The following FHDC1 variants were observed in gnomAD, a reference collection of about 807,000 sequenced individuals.
FHDC1 encodes the protein FH2 domain-containing protein 1.
FHDC1 carries 25 observed loss-of-function variants against 52.6 expected under a neutral mutation model. The ratio of observed to expected loss-of-function variants is 0.48; its 90% CI spans 0.35 to 0.66. The LOEUF (loss-of-function observed/expected upper bound fraction) is 0.66, where lower values mean the gene tolerates loss of function less well. FHDC1 is among the 30% of genes least tolerant of loss of function. FHDC1 has a pLI of 0.01. For missense variants in FHDC1, 1,459 were observed against 1,452.8 expected (o/e 1.00, Z -0.07); for synonymous variants, 616 against 581.5 (o/e 1.06, Z -0.85).
chr4:152,963,979 G>A (rs990992344), intron 8 of FHDC1, among the ~76,000 whole-genome samples: 1 of 152,124 alleles, frequency 6.6e-6, no homozygotes, highest in Admixed American at 6.5e-5. Flanking sequence ...GGAGGAAGCC[G>A]TGGTGCAGTC....
At chr4:152,919,277 G>A in the FHDC1 span, among the ~76,000 whole-genome samples, 1 of 152,224 alleles carries the variant, frequency 6.6e-6, no homozygotes, top group Non-Finnish European at 1.5e-5. Flanking sequence ...AAACTTTTGG[G>A]TTTAATGGGG....
In FHDC1 at chr4:152,953,424, G is replaced by T. The variant is rs72970304; in HGVS notation, c.499-75G>T. On this transcript the variant is annotated intron_variant, in intron 2 of 11. Transcript: ENST00000511601. ...ATAAATTAGTGTTGCATTTTGATCG[G>T]TTTTAATTATCTTCTTTCTCCATCT... is the stretch of plus-strand genomic sequence containing the variant. 487 of 1,244,040 alleles carry T rather than the reference G, an allele frequency of 3.9e-4. 4 individuals carry two copies. In the African/African-American group the frequency reaches 6.6e-3, roughly 17 times the overall value. 77.1% of individuals were successfully genotyped at this position (1,244,040 alleles called of 1,614,324 possible).
chr4:152,963,702 G>A (rs965207948), intron 8 of FHDC1, among the ~76,000 whole-genome samples: 4 of 145,336 alleles, frequency 2.8e-5, no homozygotes, highest in Non-Finnish European at 6.0e-5. Context: ...GTCTTTCTCC[G>A]TGAACCATGC....
chr4:152,962,533 AT>A (rs1740310209), intron 6 of FHDC1, among the ~76,000 whole-genome samples: 1 of 152,206 alleles, frequency 6.6e-6, no homozygotes. Context: ...AGGCTTTTGC[AT>A]TTTTCACTAA....
chr4:152,965,221 A>G (rs1450991664), intron 9 of FHDC1, among the ~76,000 whole-genome samples: 5 of 152,218 alleles, frequency 3.3e-5, no homozygotes, highest in African/African-American at 1.2e-4. Context: ...CATCAGTATA[A>G]AAAATATGGA....
At position 152,950,074 on chromosome 4, in the gene FHDC1, C is replaced by A. The variant is rs78051696; in HGVS notation, c.499-3425C>A. ...TCATTGGCTGGGTTTGTTTATCCCT[C>A]TTCTTTGGGCAGTTTCTTGCCTCTG... is the stretch of plus-strand genomic sequence containing the variant. On this transcript the variant is annotated intron_variant, in intron 2 of 11. Transcript: ENST00000511601. Among the ~76,000 whole-genome samples, 827 of 152,226 alleles carry A rather than the reference C, an allele frequency of 5.4e-3. 8 individuals are homozygous for A. The highest frequency in any genetic ancestry group is 0.014 in the South Asian group (69 of 4,822).
chr4:152,936,068 CACCAGCCTTCGGGTGCGGGA>C (rs2149931155), upstream of FHDC1, among the ~76,000 whole-genome samples: 1 of 152,172 alleles, frequency 6.6e-6, no homozygotes, highest in East Asian at 1.9e-4. Context: ...CCTAGCCCCG[CACCAGCCTTCGGGTGCGGGA>C]AGCAGTGTGC....
chr4:152,930,995 ACACTCTCTCT>A, the FHDC1 span, among the ~76,000 whole-genome samples: 9 of 139,594 alleles, frequency 6.4e-5, no homozygotes, highest in East Asian at 8.4e-4. Flanking sequence ...ACACACACAC[ACACTCTCTCT>A]CTCTCTCTCT....
At chr4:152,965,716 A>T (rs955921064) in intron 9 of FHDC1, among the ~76,000 whole-genome samples, 5 of 152,220 alleles carry the variant, frequency 3.3e-5, no homozygotes, top group African/African-American at 1.2e-4. Flanking sequence ...ACCATGGCTG[A>T]TGTCAAGCTG....
At chr4:152,943,626 T>G (rs1399169873) in intron 2 of FHDC1, 71 bp downstream of exon 2, 1 of 1,486,624 alleles carries the variant, frequency 6.7e-7, no homozygotes, top group Non-Finnish European at 9.0e-7. Flanking sequence ...GTGTGTACAT[T>G]TCAAATAATT....
chr4:152,952,057 G>A (rs1458063321), intron 2 of FHDC1, among the ~76,000 whole-genome samples: 1 of 152,030 alleles, frequency 6.6e-6, no homozygotes, highest in Non-Finnish European at 1.5e-5. Context: ...AAACAAAAAA[G>A]TATCTTATCC....
At position 152,942,982 on chromosome 4, in the gene FHDC1, A is replaced by G. The variant is rs773342983; in HGVS notation, c.-76A>G. The G allele has an allele frequency of 8.6e-6, 13 of 1,505,974 alleles. No individual in the cohort carries two copies. Among genetic ancestry groups the G allele is most frequent in the African/African-American group, 2.8e-5 (2 of 71,932 alleles). 93.3% of individuals were successfully genotyped at this position (1,505,974 alleles called of 1,614,324 possible). Reference sequence around the variant, plus strand: ...TGGCGGCAGATAGCAGCAGGTGAAAAAGTGCTACACAAGTTTGATGTTTGT... The same window carrying G: ...TGGCGGCAGATAGCAGCAGGTGAAAGAGTGCTACACAAGTTTGATGTTTGT... On this transcript the variant is annotated 5_prime_UTR_variant, in exon 2 of 12. Transcript: ENST00000511601.
chr4:152,940,415 A>G (rs902582895), intron 1 of FHDC1, among the ~76,000 whole-genome samples: 41 of 152,272 alleles, frequency 2.7e-4, no homozygotes, highest in African/African-American at 9.4e-4. Context: ...ATCCCAATGC[A>G]GAGCTAACAA....
intron 1 of FHDC1, among the ~76,000 whole-genome samples, chr4:152,936,688 A>T (rs1739389923): frequency 6.6e-6 from 1 of 152,248 alleles, no homozygotes; most frequent in African/African-American, 2.4e-5. Context: ...GGAGGCGAGG[A>T]CGCGCCGGTG....
chr4:152,949,112 TAATAATAATAATAAGAAGAAG>T (rs1170622718), intron 2 of FHDC1, among the ~76,000 whole-genome samples: 1,622 of 79,814 alleles, frequency 0.02, 11 homozygotes, highest in South Asian at 0.037. Context: ...ATAATAATAA[TAATAATAATAATAAGAAGAAG>T]AAGAAGAAGA....
chr4:152,953,866 C>T (rs547147613), intron 3 of FHDC1, among the ~76,000 whole-genome samples: 16 of 152,328 alleles, frequency 1.1e-4, no homozygotes, highest in African/African-American at 3.6e-4. Flanking sequence ...AGTCAAATAG[C>T]GGTCAGAGTT....
At chr4:152,950,275 C>A (rs1033912608) in intron 2 of FHDC1, among the ~76,000 whole-genome samples, 2 of 152,172 alleles carry the variant, frequency 1.3e-5, no homozygotes, top group African/African-American at 4.8e-5. Context: ...GCAGTGATAA[C>A]CCTCTTTAAA....
chr4:152,962,765 T>C (rs1033025661), intron 6 of FHDC1, 49 bp from the exon 7 acceptor site: 2 of 1,500,524 alleles, frequency 1.3e-6, no homozygotes, highest in Admixed American at 1.7e-5. Flanking sequence ...TTTTGTGCAT[T>C]TGAAACTGAA....
At chr4:152,963,548 G>A (rs1175579942) in intron 8 of FHDC1, among the ~76,000 whole-genome samples, 1 of 152,052 alleles carries the variant, frequency 6.6e-6, no homozygotes, top group African/African-American at 2.4e-5. Flanking sequence ...ATACACCTCC[G>A]CAGAAGTTGG....
Sources: gnomAD v4.1 joint callset for allele counts (sites outside exome capture counted in the v4.1 genomes callset) on GRCh38, gnomAD v4.1.1 for gene constraint, MANE v1.5 for transcripts, NCBI Gene and HGNC (gene_info 2026-07-23, HGNC 2026-07-21) for gene names.